The following CMSS1 variants were observed in gnomAD, a reference collection of about 807,000 sequenced individuals.
CMSS1 encodes the protein protein CMSS1.
CMSS1 carries 33 observed loss-of-function variants against 43.5 expected under a neutral mutation model. That is an observed-to-expected ratio of 0.76 (90% CI 0.57 to 1.01). The LOEUF (loss-of-function observed/expected upper bound fraction) is 1.01, where lower values mean the gene tolerates loss of function less well. Among genes scored for constraint, CMSS1 ranks in the 50% least tolerant of loss-of-function variants. The probability of loss-of-function intolerance (pLI) is 0.00; values close to 1 mark genes in which losing one functional copy is unlikely to be tolerated. For synonymous variants in CMSS1, 115 were observed against 117.2 expected (o/e 0.98, Z 0.12); for missense variants, 313 against 326.4 (o/e 0.96, Z 0.32).
chr3:99,915,411 A>G (rs796824596), intron 1 of CMSS1, among the ~76,000 whole-genome samples: 5 of 152,192 alleles, frequency 3.3e-5, no homozygotes, highest in Admixed American at 3.3e-4. Flanking sequence ...ATTTTTCATA[A>G]TAACTTTAGA....
At chr3:99,880,641 G>A (rs1299211642) in intron 1 of CMSS1, among the ~76,000 whole-genome samples, 1 of 152,042 alleles carries the variant, frequency 6.6e-6, no homozygotes, top group Non-Finnish European at 1.5e-5. Flanking sequence ...ATGATATTTT[G>A]TGGTTTTAAA....
rs62285481 is a variant in CMSS1, at chr3:100,179,607, A to G, written c.*1219A>G. On this transcript the variant is annotated 3_prime_UTR_variant, in exon 10 of 10. Coordinates refer to ENST00000421999, the MANE Select transcript of CMSS1 (RefSeq NM_032359.4). ...ACTCTGATGCAAGGAGTGGGCTCCC[A>G]AGGCCTTAGGCAGCTCTGCCCCTGT... 0.14 allele frequency: 21,296 copies of G among 152,252 alleles called. 1,817 individuals are homozygous for G. Among genetic ancestry groups the G allele is most frequent in the South Asian group, 0.21 (1,026 of 4,820 alleles). 9.4% of individuals were successfully genotyped at this position (152,252 alleles called of 1,614,324 possible). A position where few individuals can be genotyped will look rare whatever the true frequency, so the allele number is the denominator to read the frequency against.
intron 1 of CMSS1, among the ~76,000 whole-genome samples, chr3:99,842,628 C>T (rs531130039): frequency 6.6e-5 from 10 of 152,082 alleles, no homozygotes; most frequent in African/African-American, 2.4e-4. Context: ...CAAAATATTG[C>T]CTCAAATAAT....
At chr3:100,093,481 G>C in intron 1 of CMSS1, among the ~76,000 whole-genome samples, 1 of 151,872 alleles carries the variant, frequency 6.6e-6, no homozygotes, top group Non-Finnish European at 1.5e-5. Flanking sequence ...AATTTTTTAA[G>C]TAAACTTTTT....
chr3:99,838,997 A>G (rs926424481), intron 1 of CMSS1, among the ~76,000 whole-genome samples: 2 of 151,938 alleles, frequency 1.3e-5, no homozygotes, highest in Admixed American at 6.6e-5. Context: ...TCCACATTGC[A>G]CTGCTCACTG....
At chr3:99,908,483 T>G (rs1187683649) in intron 1 of CMSS1, among the ~76,000 whole-genome samples, 2 of 152,214 alleles carry the variant, frequency 1.3e-5, no homozygotes, top group Non-Finnish European at 2.9e-5. Flanking sequence ...TCTATACTTT[T>G]AAGTGTCTCC....
intron 1 of CMSS1, among the ~76,000 whole-genome samples, chr3:99,958,203 C>CATTATTATT (rs71688408): frequency 1.7e-4 from 23 of 132,708 alleles, no homozygotes; most frequent in South Asian, 2.7e-4. Flanking sequence ...GCCCTGCATG[C>CATTATTATT]ATTATTATTA....
intron 1 of CMSS1, among the ~76,000 whole-genome samples, chr3:100,058,527 C>G (rs2065504569): frequency 6.6e-6 from 1 of 152,232 alleles, no homozygotes; most frequent in Non-Finnish European, 1.5e-5. Flanking sequence ...TACTCACATC[C>G]CCAATCTAAA....
chr3:99,896,323 C>T (rs1298577680), intron 1 of CMSS1, among the ~76,000 whole-genome samples: 1 of 152,172 alleles, frequency 6.6e-6, no homozygotes, highest in African/African-American at 2.4e-5. Flanking sequence ...AAATTTGTTG[C>T]CCTAATGTTA....
chr3:99,863,362 A>C (rs1161963465), intron 1 of CMSS1, among the ~76,000 whole-genome samples: 1 of 152,180 alleles, frequency 6.6e-6, no homozygotes, highest in African/African-American at 2.4e-5. Context: ...TCAAACTGGT[A>C]CTGGTCTTCG....
At chr3:100,132,930 T>C (rs1464877611) in intron 1 of CMSS1, among the ~76,000 whole-genome samples, 3 of 151,166 alleles carry the variant, frequency 2.0e-5, no homozygotes, top group Non-Finnish European at 4.4e-5. Context: ...AGAAAGGTAA[T>C]ATTCAGTGTT....
At chr3:99,948,095 C>T (rs1306021983) in intron 1 of CMSS1, among the ~76,000 whole-genome samples, 2 of 152,156 alleles carry the variant, frequency 1.3e-5, no homozygotes, top group Non-Finnish European at 2.9e-5. Context: ...AGTATGTCAT[C>T]ATTTTAATGC....
intron 1 of CMSS1, among the ~76,000 whole-genome samples, chr3:99,820,178 C>T (rs116607095): frequency 0.016 from 2,397 of 152,118 alleles, 58 homozygotes; most frequent in African/African-American, 0.054. Context: ...TTCTTACATT[C>T]CTTCTAGCCA....
chr3:99,983,410 ATATATATATG>A (rs1391257313), intron 1 of CMSS1, among the ~76,000 whole-genome samples: 3 of 108,970 alleles, frequency 2.8e-5, no homozygotes, highest in African/African-American at 1.1e-4. Context: ...ATATATATAT[ATATATATATG>A]TATGTATGTA....
intron 1 of CMSS1, among the ~76,000 whole-genome samples, chr3:100,145,955 A>G (rs986695553): frequency 3.3e-5 from 5 of 152,268 alleles, no homozygotes. Context: ...AAGATTGACC[A>G]TCACAGTATG....
chr3:99,881,274 C>G (rs960669751), intron 1 of CMSS1, among the ~76,000 whole-genome samples: 1 of 152,170 alleles, frequency 6.6e-6, no homozygotes, highest in Non-Finnish European at 1.5e-5. Context: ...AAGTCTGTTA[C>G]TTAGGTCCAG....
In CMSS1 at chr3:99,936,701, A is replaced by G. The variant is rs1248164583; in HGVS notation, c.64+118658A>G. On this transcript the variant is annotated intron_variant, in intron 1 of 9. Coordinates refer to ENST00000421999, the MANE Select transcript of CMSS1 (RefSeq NM_032359.4). ...TTGAAGCCTTTTTAAATCACTTGCC[A>G]AAGGTCACACTGCTAAAAAGTGGCA... Among the ~76,000 whole-genome samples, 3 of 150,234 alleles carry G rather than the reference A, an allele frequency of 2.0e-5. No individual in the cohort carries two copies. The East Asian group carries it at 6.1e-4, about 30-fold the overall frequency.
chr3:99,948,866 A>C (rs1708095006), intron 1 of CMSS1, among the ~76,000 whole-genome samples: 1 of 151,984 alleles, frequency 6.6e-6, no homozygotes, highest in South Asian at 2.1e-4. Flanking sequence ...GATTTGCCCC[A>C]CTCCCTCTCA....
intron 1 of CMSS1, among the ~76,000 whole-genome samples, chr3:100,127,319 G>A (rs537463278): frequency 1.3e-5 from 2 of 152,062 alleles, no homozygotes; most frequent in Admixed American, 6.5e-5. Context: ...CACTTCCCTC[G>A]AGAGCAGGGC....
Sources: gnomAD v4.1 joint callset for allele counts (sites outside exome capture counted in the v4.1 genomes callset) on GRCh38, gnomAD v4.1.1 for gene constraint, MANE v1.5 for transcripts, NCBI Gene and HGNC (gene_info 2026-07-23, HGNC 2026-07-21) for gene names.